FGF10: variants seen among roughly 807,000 people sequenced by gnomAD.
The protein encoded by FGF10 is FGF-10.
Under a neutral mutation model 19.8 loss-of-function variants are expected in FGF10, and 2 were observed. That is an observed-to-expected ratio of 0.10 (90% CI 0.04 to 0.32). The LOEUF is 0.32. Among genes scored for constraint, FGF10 ranks in the 10% least tolerant of loss-of-function variants. The pLI, the probability that FGF10 is intolerant of heterozygous loss-of-function variation, is 1.00. For missense variants in FGF10, 191 were observed against 246.3 expected (o/e 0.78, Z 1.50); for synonymous variants, 112 against 94.0 (o/e 1.19, Z -1.10).
intron 1 of FGF10, among the ~76,000 whole-genome samples, chr5:44,362,102 G>A (rs17234079): frequency 0.13 from 19,708 of 151,528 alleles, 1,617 homozygotes; most frequent in Middle Eastern, 0.23. Context: ...CATGAAAATC[G>A]GAGTCAAGCA....
At chr5:44,380,024 A>G (rs1741952002) in intron 1 of FGF10, among the ~76,000 whole-genome samples, 1 of 152,178 alleles carries the variant, frequency 6.6e-6, no homozygotes, top group African/African-American at 2.4e-5. Context: ...CATCACTAGC[A>G]CTTTTCTTTA....
chr5:44,311,176 GTT>G (rs5867658), intron 1 of FGF10, among the ~76,000 whole-genome samples: 2 of 147,202 alleles, frequency 1.4e-5, no homozygotes, highest in African/African-American at 5.0e-5. Context: ...GATTTTTAAG[GTT>G]TTTTTTTTTC....
At position 44,304,154 on chromosome 5, in the gene FGF10, GA is replaced by G. The variant is rs1398836220; in HGVS notation, c.*840del. On this transcript the variant is annotated 3_prime_UTR_variant, in exon 3 of 3. Coordinates refer to ENST00000264664, the MANE Select transcript of FGF10 (RefSeq NM_004465.2). ...TTTATTGTTGATGGTTATTACTGCA[GA>G]AGTGCAAATTAAGTCAACTGATAGC... is the stretch of plus-strand genomic sequence containing the variant. 6 of 152,122 alleles carry G rather than the reference GA, an allele frequency of 3.9e-5. No individual in the cohort carries two copies. The highest frequency in any genetic ancestry group is 1.4e-4 in the African/African-American group (6 of 41,424). 9.4% of individuals were successfully genotyped at this position (152,122 alleles called of 1,614,324 possible). A position where few individuals can be genotyped will look rare whatever the true frequency, so the allele number is the denominator to read the frequency against.
At chr5:44,342,622 C>G (rs187875101) in intron 1 of FGF10, among the ~76,000 whole-genome samples, 1 of 151,708 alleles carries the variant, frequency 6.6e-6, no homozygotes, top group African/African-American at 2.4e-5. Context: ...GACAGAGTAC[C>G]CTTACATAAA....
intron 1 of FGF10, among the ~76,000 whole-genome samples, chr5:44,326,359 T>C (rs1740614369): frequency 6.6e-6 from 1 of 152,148 alleles, no homozygotes; most frequent in East Asian, 1.9e-4. Context: ...GGATGGCATA[T>C]TTAGCTTGAA....
intron 1 of FGF10, among the ~76,000 whole-genome samples, chr5:44,361,956 C>T (rs1362887737): frequency 6.6e-6 from 1 of 151,656 alleles, no homozygotes; most frequent in Admixed American, 6.6e-5. Context: ...GAAAGGTGAT[C>T]TGTATTTATT....
intron 1 of FGF10, among the ~76,000 whole-genome samples, chr5:44,325,733 GA>G (rs1740600365): frequency 6.8e-6 from 1 of 147,648 alleles, no homozygotes; most frequent in East Asian, 2.0e-4. Context: ...AGGGCCTGGG[GA>G]GGGGGGAGGG....
chr5:44,363,704 G>C (rs1741541861), intron 1 of FGF10, among the ~76,000 whole-genome samples: 1 of 151,850 alleles, frequency 6.6e-6, no homozygotes, highest in Non-Finnish European at 1.5e-5. Context: ...TTACAATATG[G>C]AAGAAGTAAC....
At chr5:44,370,861 T>C (rs1173395254) in intron 1 of FGF10, among the ~76,000 whole-genome samples, 1 of 152,060 alleles carries the variant, frequency 6.6e-6, no homozygotes, top group Non-Finnish European at 1.5e-5. Context: ...TATGGAAACA[T>C]TTTGAGATGT....
chr5:44,373,360 A>C (rs1206939888), intron 1 of FGF10, among the ~76,000 whole-genome samples: 2 of 152,172 alleles, frequency 1.3e-5, no homozygotes, highest in East Asian at 3.9e-4. Context: ...CATCTTTTGC[A>C]ATCTGGATAG....
chr5:44,365,042 ACT>A (rs571123143), intron 1 of FGF10, among the ~76,000 whole-genome samples: 8 of 151,952 alleles, frequency 5.3e-5, no homozygotes, highest in Non-Finnish European at 1.2e-4. Context: ...ATTAATGGAT[ACT>A]GTCAAGTTTC....
intron 1 of FGF10, among the ~76,000 whole-genome samples, chr5:44,335,247 T>A (rs1054040653): frequency 1.3e-5 from 2 of 152,108 alleles, no homozygotes; most frequent in African/African-American, 4.8e-5. Flanking sequence ...CATTCATGCA[T>A]CTTTTCTTAA....
At chr5:44,336,365 C>T (rs184979666) in intron 1 of FGF10, among the ~76,000 whole-genome samples, 24 of 152,102 alleles carry the variant, frequency 1.6e-4, no homozygotes, top group Middle Eastern at 6.9e-3. Flanking sequence ...ATTTTATTCT[C>T]GTCTTTTTGT....
At chr5:44,338,955 A>G (rs1250596824) in intron 1 of FGF10, among the ~76,000 whole-genome samples, 2 of 152,228 alleles carry the variant, frequency 1.3e-5, no homozygotes, top group African/African-American at 2.4e-5. Flanking sequence ...AACATCAGTT[A>G]GAATGTGGGT....
rs104893884 is a variant in FGF10 at position 44,305,045 on chromosome 5, G to C, written c.577C>G (p.Arg193Gly). Residue 193 changes from arginine to glycine, a missense_variant, in exon 3 of 3, where the codon CGA (arginine) becomes GGA (glycine). Transcript: ENST00000264664. ...KGAPRRGQKT[R>G]RKNTSAHFLP... ...AAGTGAGCAGAGGTGTTTTTCCTTC[G>C]TGTTTTCTGTCCTCTCCTTGGAGCT... The C allele has an allele frequency of 5.0e-6, 8 of 1,613,870 alleles. No homozygotes were observed. Among genetic ancestry groups the C allele is most frequent in the Non-Finnish European group, 6.8e-6 (8 of 1,179,884 alleles).
intron 2 of FGF10, among the ~76,000 whole-genome samples, chr5:44,308,222 T>A (rs1161823304): frequency 1.3e-5 from 2 of 152,162 alleles, no homozygotes; most frequent in Non-Finnish European, 2.9e-5. Flanking sequence ...CCATGAGCTG[T>A]GTTGGGGCAG....
At chr5:44,337,994 A>C (rs1470832787) in intron 1 of FGF10, among the ~76,000 whole-genome samples, 2 of 152,206 alleles carry the variant, frequency 1.3e-5, no homozygotes, top group Non-Finnish European at 2.9e-5. Flanking sequence ...AAGTGAAAAC[A>C]ATCTAAATGT....
At chr5:44,321,250 T>C (rs935098029) in intron 1 of FGF10, among the ~76,000 whole-genome samples, 1 of 152,130 alleles carries the variant, frequency 6.6e-6, no homozygotes, top group Non-Finnish European at 1.5e-5. Flanking sequence ...ACTAGACCAA[T>C]TGATGAAATA....
rs567299977 is a variant in FGF10 at position 44,353,479 on chromosome 5, C to T, written c.325+34879G>A. Among the ~76,000 whole-genome samples, 10 of 151,586 alleles carry T rather than the reference C, an allele frequency of 6.6e-5. No homozygotes were observed. The South Asian group carries it at 2.1e-3, about 32-fold the overall frequency. On this transcript the variant is annotated intron_variant, in intron 1 of 2. Coordinates refer to ENST00000264664, the MANE Select transcript of FGF10 (RefSeq NM_004465.2). ...TATTTAGCTTTTATTCTCATTTTCT[C>T]ACTTCATTAGTTTTGTTTTGTGTTT...
Sources: gnomAD v4.1 joint callset for allele counts (sites outside exome capture counted in the v4.1 genomes callset) on GRCh38, gnomAD v4.1.1 for gene constraint, MANE v1.5 for transcripts, NCBI Gene and HGNC (gene_info 2026-07-23, HGNC 2026-07-21) for gene names.